Variants in KCNIP4 observed in about 807,000 individuals in gnomAD.
KCNIP4 encodes Kv channel-interacting protein 4.
Under a neutral mutation model 34.0 loss-of-function variants are expected in KCNIP4, and 12 were observed. The ratio of observed to expected loss-of-function variants is 0.35; its 90% CI spans 0.23 to 0.57. KCNIP4 has a LOEUF of 0.57. Ranked by LOEUF, KCNIP4 falls within the 20% of genes least tolerant of loss-of-function variation. The probability of loss-of-function intolerance (pLI) is 0.83; values close to 1 mark genes in which losing one functional copy is unlikely to be tolerated. For synonymous variants in KCNIP4, 124 were observed against 102.2 expected (o/e 1.21, Z -1.29); for missense variants, 238 against 311.7 (o/e 0.76, Z 1.78).
chr4:21,291,902 AG>A (rs1235260703), intron 1 of KCNIP4, among the ~76,000 whole-genome samples: 2,783 of 90,110 alleles, frequency 0.031, 579 homozygotes, highest in African/African-American at 0.18. Context: ...AAAGAAAGAA[AG>A]AAAGAAAGAA....
intron 1 of KCNIP4, among the ~76,000 whole-genome samples, chr4:21,485,954 C>T (rs997130370): frequency 2.1e-5 from 3 of 145,804 alleles, no homozygotes; most frequent in African/African-American, 7.4e-5. Flanking sequence ...TTCACTGCTG[C>T]TTCCCACAGC....
At chr4:21,551,020 T>C (rs956655796) in intron 1 of KCNIP4, among the ~76,000 whole-genome samples, 3 of 152,024 alleles carry the variant, frequency 2.0e-5, no homozygotes, top group East Asian at 3.9e-4. Flanking sequence ...TTCTTGAAGA[T>C]TTAAAGAACC....
At chr4:20,980,206 CTTG>C (rs1472675439) in intron 1 of KCNIP4, among the ~76,000 whole-genome samples, 5 of 152,154 alleles carry the variant, frequency 3.3e-5, no homozygotes, top group African/African-American at 1.2e-4. Context: ...AGAATGTAAG[CTTG>C]TTGAGGGCAC....
intron 1 of KCNIP4, among the ~76,000 whole-genome samples, chr4:20,964,294 G>T (rs575323934): frequency 1.1e-3 from 164 of 152,246 alleles, no homozygotes; most frequent in African/African-American, 3.9e-3. Flanking sequence ...GCTTACCCAC[G>T]ATGCAGTCAA....
At chr4:21,344,672 T>C (rs1717115414) in intron 1 of KCNIP4, among the ~76,000 whole-genome samples, 1 of 152,216 alleles carries the variant, frequency 6.6e-6, no homozygotes, top group East Asian at 1.9e-4. Flanking sequence ...GTACGTTATC[T>C]TATTAAAGCA....
chr4:21,100,629 T>C (rs1305363922), intron 1 of KCNIP4, among the ~76,000 whole-genome samples: 4 of 152,118 alleles, frequency 2.6e-5, no homozygotes, highest in African/African-American at 9.7e-5. Context: ...CCAGCAGCCA[T>C]CCACACTGAG....
intron 1 of KCNIP4, among the ~76,000 whole-genome samples, chr4:21,806,007 G>A (rs530381514): frequency 6.6e-6 from 1 of 152,310 alleles, no homozygotes; most frequent in African/African-American, 2.4e-5. Flanking sequence ...TGTTTAGATG[G>A]ACACATCAAT....
intron 3 of KCNIP4, among the ~76,000 whole-genome samples, chr4:20,803,288 G>A (rs1386020659): frequency 6.6e-6 from 1 of 151,088 alleles, no homozygotes; most frequent in Non-Finnish European, 1.5e-5. Flanking sequence ...ATTAGCAGAA[G>A]GAAAGGAATA....
chr4:20,950,374 C>T (rs1057176053), intron 1 of KCNIP4, among the ~76,000 whole-genome samples: 6 of 151,984 alleles, frequency 3.9e-5, no homozygotes, highest in South Asian at 2.1e-4. Context: ...AAAAACTTGC[C>T]GAGGGGTTCA....
chr4:21,647,567 A>C (rs567557494), intron 1 of KCNIP4, among the ~76,000 whole-genome samples: 1 of 152,304 alleles, frequency 6.6e-6, no homozygotes, highest in Non-Finnish European at 1.5e-5. Context: ...GAAACTCATG[A>C]ATAGAGAAAA....
chr4:21,067,434 T>C (rs920749099), intron 1 of KCNIP4, among the ~76,000 whole-genome samples: 10 of 152,056 alleles, frequency 6.6e-5, no homozygotes, highest in African/African-American at 7.2e-5. Flanking sequence ...TACAGTGAGA[T>C]AGAGTGCCAG....
At chr4:21,249,545 A>G (rs1760538159) in intron 1 of KCNIP4, among the ~76,000 whole-genome samples, 1 of 152,082 alleles carries the variant, frequency 6.6e-6, no homozygotes, top group African/African-American at 2.4e-5. Flanking sequence ...TGGTGGAAAG[A>G]ATAAATGAAA....
rs933694237 is a variant in KCNIP4 at position 21,902,019 on chromosome 4, A to G, written c.61+46552T>C. On this transcript the variant is annotated intron_variant, in intron 1 of 8. Transcript: ENST00000382152. ...CAAAGAGGATTTGAGGATGTTACAA[A>G]CTGTGTCTGAGTCATTGCCAAGTCA... 2.6e-5 allele frequency among the ~76,000 whole-genome samples: 4 copies of G among 152,300 alleles called. No homozygotes were observed. The East Asian group carries it at 7.7e-4, about 29-fold the overall frequency.
chr4:20,905,692 T>A (rs1727686250), intron 1 of KCNIP4, among the ~76,000 whole-genome samples: 1 of 151,504 alleles, frequency 6.6e-6, no homozygotes, highest in Non-Finnish European at 1.5e-5. Context: ...TTGAAATTTT[T>A]TTTTTTTAAA....
intron 1 of KCNIP4, among the ~76,000 whole-genome samples, chr4:21,938,626 G>A (rs1417446587): frequency 1.4e-4 from 21 of 152,144 alleles, no homozygotes; most frequent in Admixed American, 1.4e-3. Context: ...ATGTGATTAT[G>A]ATAGATTTAC....
At position 21,873,563 on chromosome 4, in the gene KCNIP4, G is replaced by T. The variant is rs185627783; in HGVS notation, c.61+75008C>A. Among the ~76,000 whole-genome samples the T allele has an allele frequency of 2.8e-3, 421 of 152,304 alleles. 4 individuals are homozygous for T. Among genetic ancestry groups the T allele is most frequent in the African/African-American group, 9.7e-3 (402 of 41,572 alleles). On this transcript the variant is annotated intron_variant, in intron 1 of 8. Coordinates refer to ENST00000382152, the MANE Select transcript of KCNIP4 (RefSeq NM_025221.6). ...GTCACTGAGAAAATGTTTGGTCAAT[G>T]AATGATTCACTGAATTCACTGTTGA...
chr4:21,730,652 G>A (rs1715523568), intron 1 of KCNIP4, among the ~76,000 whole-genome samples: 1 of 152,230 alleles, frequency 6.6e-6, no homozygotes, highest in Non-Finnish European at 1.5e-5. Flanking sequence ...TAAAGGGGAT[G>A]TAGGAGTCAC....
Position 21,287,593 on chromosome 4 carries a change from G to C in KCNIP4, c.62-404884C>G, listed in dbSNP as rs76735703. On this transcript the variant is annotated intron_variant, in intron 1 of 8. Transcript: ENST00000382152. Reference sequence around the variant, plus strand: ...CTGGGACACAGGTAAGTTAATTTACGTCTCAAAAGTCCTACTAGTTACTTA... The same window carrying C: ...CTGGGACACAGGTAAGTTAATTTACCTCTCAAAAGTCCTACTAGTTACTTA... 5.0e-3 allele frequency among the ~76,000 whole-genome samples: 765 copies of C among 152,210 alleles called. 7 individuals are homozygous for C. The highest frequency in any genetic ancestry group is 0.018 in the African/African-American group (741 of 41,544).
intron 3 of KCNIP4, among the ~76,000 whole-genome samples, chr4:20,818,105 G>A (rs1716636921): frequency 6.6e-6 from 1 of 152,152 alleles, no homozygotes; most frequent in African/African-American, 2.4e-5. Context: ...GATATATGAT[G>A]AGTCGATTTC....
Sources: gnomAD v4.1 joint callset for allele counts (sites outside exome capture counted in the v4.1 genomes callset) on GRCh38, gnomAD v4.1.1 for gene constraint, MANE v1.5 for transcripts, NCBI Gene and HGNC (gene_info 2026-07-23, HGNC 2026-07-21) for gene names.